Variants in PCDHGA1 observed in about 807,000 individuals in gnomAD.
PCDHGA1 encodes protocadherin gamma subfamily A, 1, also known as protocadherin gamma-A1.
PCDHGA1 carries 32 observed loss-of-function variants against 58.0 expected under a neutral mutation model. The observed-to-expected ratio is 0.55, with a 90% CI of 0.42 to 0.74. PCDHGA1 has a LOEUF of 0.74. Among genes scored for constraint, PCDHGA1 ranks in the 30% least tolerant of loss-of-function variants. The probability of loss-of-function intolerance (pLI) is 0.00; values close to 1 mark genes in which losing one functional copy is unlikely to be tolerated. For synonymous variants in PCDHGA1, 498 were observed against 501.1 expected (o/e 0.99, Z 0.08); for missense variants, 1,205 against 1,182.3 (o/e 1.02, Z -0.28).
Position 141,333,069 on chromosome 5 carries a change from G to A in PCDHGA1, c.2385G>A (p.Gln795=), listed in dbSNP as rs750060808. 6.2e-7 allele frequency: 1 copy of A among 1,614,204 alleles called. No individual in the cohort carries two copies. The highest frequency in any genetic ancestry group is 1.1e-5 in the South Asian group (1 of 91,086). ...CEKKGFLSAP[Q]SLLEDKKEPF... ...AAAAGGGTTTTCTATCAGCACCCCAGTCTTTACTTGAAGACAAAAAGGAAC... is the reference window on the plus strand; with the variant it reads ...AAAAGGGTTTTCTATCAGCACCCCAATCTTTACTTGAAGACAAAAAGGAAC... Residue 795 remains glutamine (Q), a synonymous_variant, in exon 1 of 4, where the codon CAG becomes CAA. Transcript: ENST00000517417.
In PCDHGA1 at chr5:141,511,335, A is replaced by T; in HGVS notation, c.*162A>T. 7.0e-7 allele frequency: 1 copy of T among 1,438,820 alleles called. No homozygotes were observed. The highest frequency in any genetic ancestry group is 9.2e-7 in the Non-Finnish European group (1 of 1,083,596). The allele number at this position is 1,438,820 out of a possible 1,614,324, so 89.1% of individuals were successfully genotyped here. A position where few individuals can be genotyped will look rare whatever the true frequency, so the allele number is the denominator to read the frequency against. On this transcript the variant is annotated 3_prime_UTR_variant, in exon 4 of 4. Coordinates refer to ENST00000517417, the MANE Select transcript of PCDHGA1 (RefSeq NM_018912.3). ...AAACAGAAACAAGTGCCCAGTCAGC[A>T]CCTACCCCTTCCCCCCCAGGGGGTT...
chr5:141,430,930 G>A, intron 1 of PCDHGA1: 2 of 1,607,320 alleles, frequency 1.2e-6, no homozygotes, highest in Non-Finnish European at 1.7e-6. Context: ...TGGAGCCCCG[G>A]GAGCTCGCGG....
chr5:141,361,524 GA>G, intron 1 of PCDHGA1: 1 of 1,614,056 alleles, frequency 6.2e-7, no homozygotes, highest in Non-Finnish European at 8.5e-7. Context: ...ACGTGGCAGA[GA>G]ACAATCCTCC....
chr5:141,344,255 T>A, intron 1 of PCDHGA1: 1 of 1,614,042 alleles, frequency 6.2e-7, no homozygotes, highest in Non-Finnish European at 8.5e-7. Flanking sequence ...GGACGCAGCT[T>A]TTCTCTCTGA....
intron 1 of PCDHGA1, among the ~76,000 whole-genome samples, chr5:141,454,796 ATTTTTTTTTTTTTTTTTTT>A (rs61612330): frequency 3.9e-5 from 3 of 77,408 alleles, no homozygotes; most frequent in African/African-American, 1.2e-4. Context: ...CATGGTTCTA[ATTTTTTTTTTTTTTTTTTT>A]TTTTTTTTTT....
intron 1 of PCDHGA1, among the ~76,000 whole-genome samples, chr5:141,336,963 GC>G (rs1160629931): frequency 6.6e-6 from 1 of 152,156 alleles, no homozygotes; most frequent in African/African-American, 2.4e-5. Flanking sequence ...GTTAAAATGA[GC>G]AAAGGACTTG....
intron 1 of PCDHGA1, chr5:141,365,647 C>T: frequency 1.9e-6 from 3 of 1,613,544 alleles, no homozygotes; most frequent in Non-Finnish European, 2.5e-6. Flanking sequence ...GCCACATCCC[C>T]TTGAAAGTAG....
intron 1 of PCDHGA1, chr5:141,351,686 G>T (rs763397899): frequency 6.2e-7 from 1 of 1,613,970 alleles, no homozygotes; most frequent in African/African-American, 1.3e-5. Context: ...CTCCGACCCG[G>T]ATTTGGGACC....
chr5:141,347,433 G>A (rs1757966434), intron 1 of PCDHGA1, among the ~76,000 whole-genome samples: 1 of 152,004 alleles, frequency 6.6e-6, no homozygotes, highest in African/African-American at 2.4e-5. Context: ...GCGATTAGAG[G>A]CATGAGCCAC....
chr5:141,473,925 T>C (rs1338065496), intron 1 of PCDHGA1, among the ~76,000 whole-genome samples: 1 of 152,124 alleles, frequency 6.6e-6, no homozygotes, highest in East Asian at 1.9e-4. Context: ...AACTATGAGC[T>C]GGGTGCAGTA....
chr5:141,487,033 A>T lies in PCDHGA1; in HGVS notation c.2422-7774A>T, dbSNP rs1465525110. ...AGGCCCCAGATCCCAGCCTGTTTGC[A>T]GTCTCTCGATATGCTGGGGAGGTGC... On this transcript the variant is annotated intron_variant, in intron 1 of 3. Coordinates refer to ENST00000517417, the MANE Select transcript of PCDHGA1 (RefSeq NM_018912.3). This position sits in a 1 kb window ranked among gnomAD's most constrained non-coding sequence, Gnocchi z 5.0. The T allele has an allele frequency of 6.2e-7, 1 of 1,614,042 alleles. No homozygotes were observed. The highest frequency in any genetic ancestry group is 8.5e-7 in the Non-Finnish European group (1 of 1,180,040).
chr5:141,358,210 A>C (rs1279106050), intron 1 of PCDHGA1, among the ~76,000 whole-genome samples: 1 of 152,208 alleles, frequency 6.6e-6, no homozygotes, highest in Non-Finnish European at 1.5e-5. Flanking sequence ...AATAAAATAA[A>C]GTAAAATAAA....
chr5:141,462,418 T>A (rs1187388192), intron 1 of PCDHGA1, among the ~76,000 whole-genome samples: 2 of 152,250 alleles, frequency 1.3e-5, no homozygotes, highest in African/African-American at 2.4e-5. Context: ...ATATGGTCTA[T>A]CTTGGTGAGT....
At chr5:141,414,360 A>G (rs1177384414) in intron 1 of PCDHGA1, 1 of 1,613,800 alleles carries the variant, frequency 6.2e-7, no homozygotes, top group Non-Finnish European at 8.5e-7. Context: ...CGTATCTACC[A>G]TTTAAATTAG....
At chr5:141,455,605 T>C (rs930071553) in intron 1 of PCDHGA1, among the ~76,000 whole-genome samples, 2 of 152,098 alleles carry the variant, frequency 1.3e-5, no homozygotes, top group African/African-American at 4.8e-5. Flanking sequence ...TAGGGCGCCA[T>C]GGATGTTCTA....
intron 1 of PCDHGA1, chr5:141,360,615 A>T: frequency 6.2e-7 from 1 of 1,614,042 alleles, no homozygotes; most frequent in Non-Finnish European, 8.5e-7. Flanking sequence ...CCCTGGATTC[A>T]GATGTTGGTC....
In PCDHGA1 at chr5:141,511,519, C is replaced by G; in HGVS notation, c.*346C>G. 2.7e-6 allele frequency: 1 copy of G among 367,516 alleles called. No homozygotes were observed. Among genetic ancestry groups the G allele is most frequent in the African/African-American group, 2.1e-5 (1 of 48,286 alleles). 22.8% of individuals were successfully genotyped at this position (367,516 alleles called of 1,614,324 possible). A position where few individuals can be genotyped will look rare whatever the true frequency, so the allele number is the denominator to read the frequency against. ...CCAAATCAATCAGGCCCATCCATCC[C>G]ATGCCTCCCTCCTCCCCACCCCACT... On this transcript the variant is annotated 3_prime_UTR_variant, in exon 4 of 4. Coordinates refer to ENST00000517417, the MANE Select transcript of PCDHGA1 (RefSeq NM_018912.3).
intron 2 of PCDHGA1, 62 bp downstream of exon 2, chr5:141,494,927 G>C: frequency 6.2e-7 from 1 of 1,613,516 alleles, no homozygotes; most frequent in Non-Finnish European, 8.5e-7. Context: ...GATGACGTGG[G>C]AGGAGATGGG....
chr5:141,366,469 G>C (rs575828819), intron 1 of PCDHGA1: 2 of 1,614,256 alleles, frequency 1.2e-6, no homozygotes, highest in Non-Finnish European at 1.7e-6. Flanking sequence ...TGCTGCTGGT[G>C]CTCAGACTGA....
Sources: gnomAD v4.1 joint callset for allele counts (sites outside exome capture counted in the v4.1 genomes callset) on GRCh38, gnomAD v4.1.1 for gene constraint, Gnocchi (gnomAD v3.1) non-coding constraint, MANE v1.5 for transcripts, NCBI Gene and HGNC (gene_info 2026-07-23, HGNC 2026-07-21) for gene names.